Variants in GPC5 observed in about 807,000 individuals in gnomAD.
The protein encoded by GPC5 is glypican 5, also known as glypican-5.
In GPC5, 47 loss-of-function variants were observed where a neutral mutation model predicts 53.9. That is an observed-to-expected ratio of 0.87 (90% CI 0.69 to 1.11). The LOEUF (loss-of-function observed/expected upper bound fraction) is 1.11. GPC5 is among the 50% of genes most tolerant of loss of function. The pLI, the probability that GPC5 is intolerant of heterozygous loss-of-function variation, is 0.00. For synonymous variants in GPC5, 286 were observed against 263.3 expected (o/e 1.09, Z -0.84); for missense variants, 748 against 713.1 (o/e 1.05, Z -0.56).
Position 91,538,836 on chromosome 13 carries a change from C to G in GPC5, c.325+89914C>G, listed in dbSNP as rs111275656. On this transcript the variant is annotated intron_variant, in intron 2 of 7. Transcript: ENST00000377067. Reference sequence around the variant, plus strand: ...TGACCTCATGGTCCACCCCGCCCCCCCCTCAGCCTCCCAAAGTGCTGGGAT... The same window carrying G: ...TGACCTCATGGTCCACCCCGCCCCCGCCTCAGCCTCCCAAAGTGCTGGGAT... 8.9e-3 allele frequency among the ~76,000 whole-genome samples: 1,333 copies of G among 149,988 alleles called. 38 individuals are homozygous for G. The highest frequency in any genetic ancestry group is 0.055 in the Admixed American group (824 of 15,028).
chr13:91,594,683 G>A (rs192557048), intron 2 of GPC5, among the ~76,000 whole-genome samples: 68 of 151,204 alleles, frequency 4.5e-4, no homozygotes, highest in African/African-American at 1.6e-3. Context: ...CTTTAATTTT[G>A]TTGTGTTTGT....
At chr13:92,201,902 C>T (rs953123740) in intron 7 of GPC5, among the ~76,000 whole-genome samples, 2 of 152,120 alleles carry the variant, frequency 1.3e-5, no homozygotes, top group African/African-American at 2.4e-5. Flanking sequence ...TTGATTTTTA[C>T]TTCATGGAAG....
At chr13:92,856,345 T>G (rs1025777757) in intron 7 of GPC5, among the ~76,000 whole-genome samples, 1 of 151,854 alleles carries the variant, frequency 6.6e-6, no homozygotes, top group African/African-American at 2.4e-5. Context: ...GGAAAATACC[T>G]GTAAAGAAGA....
At chr13:92,195,329 TAAA>T (rs2042249554) in intron 7 of GPC5, among the ~76,000 whole-genome samples, 1 of 151,750 alleles carries the variant, frequency 6.6e-6, no homozygotes, top group South Asian at 2.1e-4. Flanking sequence ...AAAAGAGGAG[TAAA>T]AAAGAATTAA....
At chr13:91,937,935 G>A (rs539051458) in intron 6 of GPC5, among the ~76,000 whole-genome samples, 1 of 152,094 alleles carries the variant, frequency 6.6e-6, no homozygotes, top group East Asian at 1.9e-4. Context: ...TAACACATCT[G>A]ATATGTAAGT....
chr13:91,693,509 G>C lies in GPC5; in HGVS notation c.648G>C (p.Gly216=), dbSNP rs755779547. 6.2e-7 allele frequency: 1 copy of C among 1,614,146 alleles called. No individual in the cohort carries two copies. The highest frequency in any genetic ancestry group is 8.5e-7 in the Non-Finnish European group (1 of 1,180,024). Residue 216 remains glycine (G), a synonymous_variant, in exon 3 of 8, where the codon GGG becomes GGC. Coordinates refer to ENST00000377067, the MANE Select transcript of GPC5 (RefSeq NM_004466.6). ...CCCAAAGAGTAATGGGACAGATGGG[G>C]AGGTCCCTGCTGCCCAGCCGCACTT... ...NIPQRVMGQM[G]RSLLPSRTFL...
At chr13:92,598,369 G>A (rs568255199) in intron 7 of GPC5, among the ~76,000 whole-genome samples, 2 of 151,932 alleles carry the variant, frequency 1.3e-5, no homozygotes, top group Admixed American at 1.3e-4. Context: ...TTTTTCATGT[G>A]TTTGGAATGT....
In GPC5 at chr13:91,729,621, T is replaced by G. The variant is rs527871773; in HGVS notation, c.1154+956T>G. Among the ~76,000 whole-genome samples, 7 of 152,292 alleles carry G rather than the reference T, an allele frequency of 4.6e-5. No homozygotes were observed. The South Asian group carries it at 1.5e-3, about 32-fold the overall frequency. On this transcript the variant is annotated intron_variant, in intron 4 of 7. Coordinates refer to ENST00000377067, the MANE Select transcript of GPC5 (RefSeq NM_004466.6). ...ATGGGCTGTATGCATGGGATAAAGA[T>G]CTGGGCTATTGCTGGCTATTTTCTA...
intron 5 of GPC5, among the ~76,000 whole-genome samples, chr13:91,850,604 T>C (rs1170625982): frequency 6.6e-6 from 1 of 152,218 alleles, no homozygotes; most frequent in Non-Finnish European, 1.5e-5. Context: ...CATATTTTCA[T>C]GAAGAACTTC....
intron 7 of GPC5, among the ~76,000 whole-genome samples, chr13:92,276,771 G>A (rs2139162693): frequency 6.6e-6 from 1 of 152,192 alleles, no homozygotes; most frequent in Non-Finnish European, 1.5e-5. Context: ...TCCAATAGAT[G>A]TATAATGACC....
chr13:92,555,565 T>C (rs1267763121), intron 7 of GPC5, among the ~76,000 whole-genome samples: 1 of 150,730 alleles, frequency 6.6e-6, no homozygotes, highest in Non-Finnish European at 1.5e-5. Flanking sequence ...TACCTTACAA[T>C]TGAAAATGTC....
intron 7 of GPC5, among the ~76,000 whole-genome samples, chr13:92,741,902 A>G (rs1889107872): frequency 6.6e-6 from 1 of 152,142 alleles, no homozygotes; most frequent in Non-Finnish European, 1.5e-5. Flanking sequence ...ACGTCCCTAC[A>G]AAGGACATGA....
intron 7 of GPC5, among the ~76,000 whole-genome samples, chr13:92,854,283 AT>A (rs202151799): frequency 0.016 from 2,433 of 147,508 alleles, 74 homozygotes; most frequent in African/African-American, 0.057. Context: ...TATCCTATAT[AT>A]ATATAGAAAA....
chr13:92,057,497 C>A (rs555777321), intron 6 of GPC5, among the ~76,000 whole-genome samples: 1 of 152,276 alleles, frequency 6.6e-6, no homozygotes, highest in East Asian at 1.9e-4. Flanking sequence ...TAAGCAAATA[C>A]TCTTTCTCTC....
chr13:92,498,995 G>A (rs1880085629), intron 7 of GPC5, among the ~76,000 whole-genome samples: 1 of 151,978 alleles, frequency 6.6e-6, no homozygotes, highest in Admixed American at 6.6e-5. Flanking sequence ...ATAGAATGCT[G>A]AAAGATACTA....
chr13:92,079,059 C>CT (rs1055647371), intron 6 of GPC5, among the ~76,000 whole-genome samples: 1 of 151,434 alleles, frequency 6.6e-6, no homozygotes, highest in Non-Finnish European at 1.5e-5. Flanking sequence ...TTTAATTTTT[C>CT]TTTTTTTTCG....
chr13:91,678,581 G>A (rs1490326661), intron 2 of GPC5, among the ~76,000 whole-genome samples: 2 of 152,118 alleles, frequency 1.3e-5, no homozygotes, highest in Non-Finnish European at 2.9e-5. Context: ...CCACCAAAAT[G>A]TTCTAGCACC....
chr13:91,977,160 C>G (rs960324912), intron 6 of GPC5, among the ~76,000 whole-genome samples: 1 of 152,020 alleles, frequency 6.6e-6, no homozygotes, highest in South Asian at 2.1e-4. Context: ...GGGCCAATTT[C>G]AAAACTGTTA....
intron 7 of GPC5, among the ~76,000 whole-genome samples, chr13:92,716,915 C>G (rs1292929181): frequency 6.6e-6 from 1 of 152,116 alleles, no homozygotes; most frequent in African/African-American, 2.4e-5. Flanking sequence ...TTCCTCATGA[C>G]AGCCCTACAG....
Sources: gnomAD v4.1 joint callset for allele counts (sites outside exome capture counted in the v4.1 genomes callset) on GRCh38, gnomAD v4.1.1 for gene constraint, MANE v1.5 for transcripts, NCBI Gene and HGNC (gene_info 2026-07-23, HGNC 2026-07-21) for gene names.